RCBTB2: variants seen among roughly 807,000 people sequenced by gnomAD.
RCBTB2 encodes the protein RCC1 and BTB domain-containing protein 2.
Under a neutral mutation model 65.4 loss-of-function variants are expected in RCBTB2, and 55 were observed. The ratio of observed to expected loss-of-function variants is 0.84; its 90% confidence interval spans 0.68 to 1.05. The LOEUF is 1.05. RCBTB2 is among the 50% of genes least tolerant of loss of function. RCBTB2 has a pLI of 0.00. For missense variants in RCBTB2, 599 were observed against 680.1 expected, an observed-to-expected ratio of 0.88 and a Z score of 1.33; for synonymous variants, 220 against 255.2, an observed-to-expected ratio of 0.86 and a Z score of 1.31.
intron 14 of RCBTB2, among the ~76,000 whole-genome samples, chr13:48,490,994 T>C (rs1433805762): frequency 6.6e-6 from 1 of 152,184 alleles, no homozygotes; most frequent in Admixed American, 6.5e-5. Context: ...CCAGATGCTT[T>C]TTGGCCCTGG....
intron 10 of RCBTB2, 22 bp downstream of exon 10, chr13:48,510,607 A>G: frequency 6.2e-7 from 1 of 1,612,700 alleles, no homozygotes; most frequent in Non-Finnish European, 8.5e-7. Context: ...CAGTGTGGGG[A>G]CTGTGAAAAT....
chr13:48,498,548 C>T (rs372650887), intron 13 of RCBTB2, among the ~76,000 whole-genome samples: 184 of 152,114 alleles, frequency 1.2e-3, no homozygotes, highest in African/African-American at 4.0e-3. Flanking sequence ...CTGACCAACA[C>T]GGAGAAACCT....
chr13:48,518,472 A>AATATATATATATAT (rs779789935), intron 4 of RCBTB2, among the ~76,000 whole-genome samples: 4 of 116,620 alleles, frequency 3.4e-5, no homozygotes, highest in African/African-American at 1.5e-4. Flanking sequence ...AAAAAAAAAA[A>AATATATATATATAT]ATATATATAT....
Position 48,490,069 on chromosome 13 carries a change from C to A in RCBTB2, c.*42G>T. Reference sequence around the variant, plus strand: ...AGAAGTGATTCATCTCTGGCTTTTGCAGGGGAAATGGAAAGGCTCAAAAAC... The same window carrying A: ...AGAAGTGATTCATCTCTGGCTTTTGAAGGGGAAATGGAAAGGCTCAAAAAC... On this transcript the variant is annotated 3_prime_UTR_variant, in exon 15 of 15. Transcript: ENST00000344532. The A allele has an allele frequency of 1.2e-6, 2 of 1,608,612 alleles. No homozygotes were observed. The highest frequency in any genetic ancestry group is 2.2e-5 in the South Asian group (2 of 90,810).
chr13:48,517,986 C>T (rs554474256), intron 4 of RCBTB2, among the ~76,000 whole-genome samples: 115 of 152,254 alleles, frequency 7.6e-4, no homozygotes, highest in African/African-American at 2.4e-3. Context: ...GGCCAGATGA[C>T]AACAGACACA....
intron 1 of RCBTB2, among the ~76,000 whole-genome samples, chr13:48,531,531 AAG>A: frequency 6.6e-6 from 1 of 152,310 alleles, no homozygotes; most frequent in East Asian, 1.9e-4. Flanking sequence ...CAGATTTGCG[AAG>A]AGTGGGAAAG....
intron 10 of RCBTB2, among the ~76,000 whole-genome samples, chr13:48,504,577 G>T (rs967452241): frequency 2.6e-5 from 4 of 152,154 alleles, no homozygotes; most frequent in Non-Finnish European, 5.9e-5. Flanking sequence ...ATTCCAGCCT[G>T]GCCCTGTTAC....
intron 4 of RCBTB2, among the ~76,000 whole-genome samples, chr13:48,518,346 T>C (rs1376245478): frequency 6.6e-6 from 1 of 151,462 alleles, no homozygotes; most frequent in Non-Finnish European, 1.5e-5. Flanking sequence ...GACCTTGCCC[T>C]AAAAAGGACA....
chr13:48,515,625 A>G lies in RCBTB2; in HGVS notation c.159T>C (p.Ser53=). 6.2e-7 allele frequency: 1 copy of G among 1,612,338 alleles called. No individual in the cohort carries two copies. Among genetic ancestry groups the G allele is most frequent in the Non-Finnish European group, 8.5e-7 (1 of 1,179,512 alleles). Residue 53 remains serine (S), a synonymous_variant, in exon 5 of 15, where the codon AGT becomes AGC. Transcript: ENST00000344532. ...QLIRQACVFG[S]AGNEVLYTTV... is the part of the protein sequence containing the mutation. ...TAGTGTATAAAACTTCATTGCCAGC[A>G]CTGCCAAAGACACAAGCCTGACGAA... is the stretch of plus-strand genomic sequence containing the variant.
intron 10 of RCBTB2, among the ~76,000 whole-genome samples, chr13:48,507,862 C>T (rs980974369): frequency 2.6e-5 from 4 of 152,194 alleles, no homozygotes; most frequent in South Asian, 2.1e-4. Flanking sequence ...AATCTGTCCC[C>T]AAGGTACTGA....
intron 14 of RCBTB2, among the ~76,000 whole-genome samples, chr13:48,492,905 T>G (rs1949760678): frequency 6.6e-6 from 1 of 152,208 alleles, no homozygotes; most frequent in Admixed American, 6.5e-5. Context: ...AATTTGCTTA[T>G]TAGACATTTC....
At chr13:48,498,449 G>A (rs889041609) in intron 13 of RCBTB2, among the ~76,000 whole-genome samples, 2 of 152,048 alleles carry the variant, frequency 1.3e-5, no homozygotes, top group African/African-American at 4.8e-5. Flanking sequence ...TGCCACTCGC[G>A]GCCGGGCGCA....
At chr13:48,499,548 T>G in intron 13 of RCBTB2, 73 bp downstream of exon 13, 2 of 1,485,172 alleles carry the variant, frequency 1.3e-6, no homozygotes, top group Non-Finnish European at 1.8e-6. Flanking sequence ...GTGACTTTCT[T>G]TTAGGTTCTA....
intron 10 of RCBTB2, among the ~76,000 whole-genome samples, chr13:48,510,067 G>A (rs987550936): frequency 2.0e-5 from 3 of 152,224 alleles, no homozygotes; most frequent in African/African-American, 7.2e-5. Flanking sequence ...AATTCTGGAT[G>A]TGCTAATTAC....
intron 4 of RCBTB2, among the ~76,000 whole-genome samples, chr13:48,520,239 T>C (rs1412780390): frequency 5.3e-5 from 8 of 152,106 alleles, no homozygotes; most frequent in African/African-American, 1.4e-4. Flanking sequence ...TAGTCCCCCA[T>C]AGGAGCCTCA....
At chr13:48,534,944 A>C (rs1276216837), upstream of RCBTB2, among the ~76,000 whole-genome samples, 2 of 152,254 alleles carry the variant, frequency 1.3e-5, no homozygotes, top group Non-Finnish European at 2.9e-5. Flanking sequence ...ATTACTGGGA[A>C]TGAGCTGTGC....
intron 10 of RCBTB2, among the ~76,000 whole-genome samples, chr13:48,506,969 T>G (rs1950536713): frequency 1.3e-5 from 2 of 152,240 alleles, no homozygotes; most frequent in Admixed American, 6.5e-5. Context: ...TTATGTTCCC[T>G]TCTGAGATGT....
intron 1 of RCBTB2, among the ~76,000 whole-genome samples, chr13:48,527,041 A>T (rs947514548): frequency 1.3e-5 from 2 of 151,942 alleles, no homozygotes; most frequent in African/African-American, 4.8e-5. Flanking sequence ...GTTTAATATC[A>T]GTGTATTAAA....
In RCBTB2 at chr13:48,490,251, C is replaced by T; in HGVS notation, c.1516G>A (p.Asp506Asn). The change falls in exon 15 of 15, where the codon GAT becomes AAT. Residue 506 changes from aspartate (D) to asparagine (N), a missense_variant and splice_region_variant. Physicochemically the swap from Asp to Asn is conservative, Grantham distance 23. Coordinates refer to ENST00000344532, the MANE Select transcript of RCBTB2 (RefSeq NM_001268.4). The stretch of plus-strand genomic sequence containing the variant: ...AACCTGAAGCAGAATTCTTCTAAAT[C>T]CTAGGAACAACAACAAAGATGGTTT... ...LSAAVKYDAQ[D>N]LEEFCFRFCI... is the part of the protein sequence containing the mutation. 6.2e-7 allele frequency: 1 copy of T among 1,611,400 alleles called. No homozygotes were observed. The highest frequency in any genetic ancestry group is 8.5e-7 in the Non-Finnish European group (1 of 1,178,260).
Sources: allele counts gnomAD v4.1 joint callset (sites outside exome capture counted in the v4.1 genomes callset), GRCh38; gene constraint gnomAD v4.1.1; transcripts MANE v1.5; gene names NCBI Gene and HGNC (gene_info 2026-07-23, HGNC 2026-07-21).